USP22: variants seen among roughly 807,000 people sequenced by gnomAD.
USP22 encodes the protein ubiquitin carboxyl-terminal hydrolase 22.
USP22 carries 22 observed loss-of-function variants against 68.1 expected under a neutral mutation model. The observed-to-expected ratio is 0.32, with a 90% CI of 0.23 to 0.46. USP22 has a LOEUF of 0.46. USP22 is among the 20% of genes least tolerant of loss of function. The pLI is 1.00. For missense variants in USP22, 433 were observed against 695.8 expected, an observed-to-expected ratio of 0.62 and a Z score of 4.25; for synonymous variants, 279 against 274.2, an observed-to-expected ratio of 1.02 and a Z score of -0.17.
chr17:21,028,441 G>T, intron 2 of USP22, 101 bp downstream of exon 2: 1 of 1,538,752 alleles, frequency 6.5e-7, no homozygotes. Flanking sequence ...TGAGACAAAC[G>T]ACAAAGTGGA....
chr17:21,018,259 A>G (rs1972112438), intron 4 of USP22, 148 bp from the exon 5 acceptor site: 2 of 712,014 alleles, frequency 2.8e-6, no homozygotes, highest in Admixed American at 3.4e-5. Flanking sequence ...GCATTCTGCT[A>G]GTTTTTATGC....
intron 9 of USP22, 120 bp from the exon 10 acceptor site, chr17:21,007,107 T>G: frequency 1.2e-6 from 1 of 836,990 alleles, no homozygotes; most frequent in East Asian, 2.9e-5. Flanking sequence ...TTTATTGAAC[T>G]GCCTTGTAGC....
chr17:21,017,460 AG>A (rs1972101771), intron 5 of USP22, among the ~76,000 whole-genome samples: 1 of 152,286 alleles, frequency 6.6e-6, no homozygotes, highest in Non-Finnish European at 1.5e-5. Flanking sequence ...AGAAGTGGAC[AG>A]GAACGCCACA....
At position 21,012,856 on chromosome 17, in the gene USP22, C is replaced by T. The variant is rs1242660153; in HGVS notation, c.918G>A (p.Gln306=). 12 of 1,614,076 alleles carry T rather than the reference C, an allele frequency of 7.4e-6. No homozygotes were observed. The highest frequency in any genetic ancestry group is 3.3e-4 in the Middle Eastern group (2 of 6,062). The part of the protein sequence containing the change: ...IIDQIFTGGL[Q]SDVTCQVCHG... ...GGCAGACTTGGCAGGTGACGTCTGA[C>T]TGCAACCCGCCTGTGAAGATCTGGT... Residue 306 remains glutamine, a synonymous_variant, in exon 7 of 13, where the codon CAG becomes CAA. Coordinates refer to ENST00000261497, the MANE Select transcript of USP22 (RefSeq NM_015276.2).
chr17:21,009,992 A>C (rs975046582), intron 8 of USP22, among the ~76,000 whole-genome samples: 11 of 150,876 alleles, frequency 7.3e-5, no homozygotes, highest in Non-Finnish European at 4.4e-5. Flanking sequence ...AAAATCACAA[A>C]ATCAGCTGGG....
intron 2 of USP22, among the ~76,000 whole-genome samples, chr17:21,022,200 AAC>A (rs1359160995): frequency 2.6e-5 from 4 of 152,214 alleles, no homozygotes; most frequent in Admixed American, 1.3e-4. Context: ...AATTTTCTAA[AAC>A]AGTCACAAGA....
chr17:21,006,822 G>T, intron 10 of USP22, 74 bp downstream of exon 10: 1 of 1,267,544 alleles, frequency 7.9e-7, no homozygotes, highest in East Asian at 2.7e-5. Context: ...CTTAATAGGA[G>T]CTCCGAGCTG....
intron 10 of USP22, 96 bp from the exon 11 acceptor site, chr17:21,005,086 T>C (rs892871669): frequency 7.3e-6 from 10 of 1,361,124 alleles, no homozygotes; most frequent in Admixed American, 5.4e-5. Flanking sequence ...AGCTTGACCA[T>C]GCAGATGCTG....
At chr17:21,008,171 G>GT (rs1349094467) in intron 8 of USP22, among the ~76,000 whole-genome samples, 175 bp from the exon 9 acceptor site, 2 of 152,212 alleles carry the variant, frequency 1.3e-5, no homozygotes, top group African/African-American at 4.8e-5. Flanking sequence ...TTTGCTGCCT[G>GT]TCTCTACAGA....
intron 1 of USP22, among the ~76,000 whole-genome samples, chr17:21,031,590 C>T (rs4270230): frequency 2.7e-5 from 3 of 112,694 alleles, no homozygotes; most frequent in Middle Eastern, 9.4e-3. Flanking sequence ...ATTATAGTCT[C>T]TCTCTACTAC....
At chr17:21,015,925 T>C in intron 5 of USP22, 26 bp from the exon 6 acceptor site, 2 of 1,611,306 alleles carry the variant, frequency 1.2e-6, no homozygotes, top group Non-Finnish European at 1.7e-6. Flanking sequence ...GAAGGAAACC[T>C]TGTCAGGAAT....
At chr17:21,018,225 C>CAAG (rs3047630) in intron 4 of USP22, 114 bp from the exon 5 acceptor site, 789,877 of 1,018,524 alleles carry the variant, frequency 0.78, 310,557 homozygotes, top group South Asian at 0.83. Context: ...TTCATTCATT[C>CAAG]AAGCCAGAAC....
Position 21,042,847 on chromosome 17 carries a change from C to A in USP22, c.-12G>T. On this transcript the variant is annotated 5_prime_UTR_variant, in exon 1 of 13. Transcript: ENST00000261497. ...GGCCGGGACACCATGGGGGGCAAGGCCCGGCCGCGCGCGGGGGGCGGCGGC... is the reference window on the plus strand; with the variant it reads ...GGCCGGGACACCATGGGGGGCAAGGACCGGCCGCGCGCGGGGGGCGGCGGC... The A allele has an allele frequency of 1.6e-6, 2 of 1,263,972 alleles. No homozygotes were observed. The highest frequency in any genetic ancestry group is 2.0e-6 in the Non-Finnish European group (2 of 1,003,760). 78.3% of individuals were successfully genotyped at this position (1,263,972 alleles called of 1,614,324 possible). A position where few individuals can be genotyped will look rare whatever the true frequency, so the allele number is the denominator to read the frequency against.
At chr17:21,039,333 T>G (rs968218218) in intron 1 of USP22, among the ~76,000 whole-genome samples, 1 of 151,546 alleles carries the variant, frequency 6.6e-6, no homozygotes, top group African/African-American at 2.4e-5. Context: ...ATCCCAGCAC[T>G]TTGGGAGGCC....
At chr17:21,009,465 ACC>A (rs5819720) in intron 8 of USP22, among the ~76,000 whole-genome samples, 112,824 of 151,412 alleles carry the variant, frequency 0.75, 42,493 homozygotes, top group South Asian at 0.82. Flanking sequence ...CAAAGTGGGG[ACC>A]CGGGTGCACT....
intron 3 of USP22, among the ~76,000 whole-genome samples, chr17:21,020,382 G>A (rs1972142074): frequency 1.3e-5 from 2 of 152,048 alleles, no homozygotes; most frequent in Admixed American, 6.5e-5. Context: ...ACACGGTGGC[G>A]ACGGCAAGTG....
chr17:21,021,004 C>T (rs1370157782), intron 3 of USP22, 109 bp downstream of exon 3: 3 of 846,068 alleles, frequency 3.5e-6, no homozygotes, highest in Non-Finnish European at 5.8e-6. Context: ...CCTCTTCCCA[C>T]CAGCCTGCCA....
chr17:21,023,190 G>A (rs1308385438), intron 2 of USP22, among the ~76,000 whole-genome samples: 1 of 152,080 alleles, frequency 6.6e-6, no homozygotes, highest in Non-Finnish European at 1.5e-5. Context: ...GTGGAGAGTG[G>A]GAGAAGGGAG....
intron 10 of USP22, among the ~76,000 whole-genome samples, chr17:21,005,332 T>A (rs547437678): frequency 6.6e-6 from 1 of 152,290 alleles, no homozygotes; most frequent in Admixed American, 6.5e-5. Context: ...TCCTCCCACA[T>A]GTAAAGGGTT....
Sources: gnomAD v4.1 joint callset for allele counts (sites outside exome capture counted in the v4.1 genomes callset) on GRCh38, gnomAD v4.1.1 for gene constraint, MANE v1.5 for transcripts, NCBI Gene and HGNC (gene_info 2026-07-23, HGNC 2026-07-21) for gene names.